Variants in DCLK1 observed in about 807,000 individuals in gnomAD.
DCLK1 encodes the protein serine/threonine-protein kinase DCLK1.
Under a neutral mutation model 86.2 loss-of-function variants are expected in DCLK1, and 16 were observed. That is an observed-to-expected ratio of 0.19 (90% CI 0.13 to 0.28). The LOEUF is 0.28. Among genes scored for constraint, DCLK1 ranks in the 10% least tolerant of loss-of-function variants. DCLK1 has a pLI of 1.00. For synonymous variants in DCLK1, 369 were observed against 370.5 expected (o/e 1.00, Z 0.05); for missense variants, 590 against 940.2 (o/e 0.63, Z 4.87).
At chr13:36,127,452 A>T (rs889272178) in intron 1 of DCLK1, among the ~76,000 whole-genome samples, 5 of 152,186 alleles carry the variant, frequency 3.3e-5, no homozygotes, top group African/African-American at 1.2e-4. Context: ...ACCCCATGCT[A>T]GCTGTGTAAG....
At chr13:36,121,375 C>G (rs1382845728) in intron 2 of DCLK1, among the ~76,000 whole-genome samples, 1 of 152,076 alleles carries the variant, frequency 6.6e-6, no homozygotes, top group Non-Finnish European at 1.5e-5. Flanking sequence ...TGAAAAAATC[C>G]AGAAAGAGAC....
chr13:36,040,870 C>T (rs1049987394), intron 3 of DCLK1, among the ~76,000 whole-genome samples: 3 of 152,220 alleles, frequency 2.0e-5, no homozygotes, highest in Admixed American at 1.3e-4. Context: ...TCCAGTTTGG[C>T]CATTGTGAGC....
chr13:35,917,124 C>G (rs750638889), intron 4 of DCLK1, among the ~76,000 whole-genome samples: 3 of 152,188 alleles, frequency 2.0e-5, no homozygotes, highest in Non-Finnish European at 2.9e-5. Flanking sequence ...CCATGACTGT[C>G]CACCCTTCAT....
intron 2 of DCLK1, among the ~76,000 whole-genome samples, chr13:36,123,869 CA>C (rs1419239157): frequency 6.6e-6 from 1 of 152,218 alleles, no homozygotes; most frequent in African/African-American, 2.4e-5. Flanking sequence ...AAGATGGTGA[CA>C]AGCATGCCAT....
At chr13:35,783,728 G>T (rs1444097989) in intron 16 of DCLK1, among the ~76,000 whole-genome samples, 1 of 151,968 alleles carries the variant, frequency 6.6e-6, no homozygotes, top group Non-Finnish European at 1.5e-5. Flanking sequence ...GGGATTACAG[G>T]TGCCCACCAC....
intron 16 of DCLK1, among the ~76,000 whole-genome samples, chr13:35,777,680 A>T (rs2153097279): frequency 6.6e-6 from 1 of 152,268 alleles, no homozygotes; most frequent in East Asian, 1.9e-4. Flanking sequence ...ATAAATTCCT[A>T]AGGAGACCTG....
intron 3 of DCLK1, among the ~76,000 whole-genome samples, chr13:36,100,780 G>C (rs9546347): frequency 0.025 from 3,870 of 152,148 alleles, 76 homozygotes; most frequent in Middle Eastern, 0.092. Flanking sequence ...AACCTCCCAG[G>C]CTGTGTTATA....
rs1885643530 is a variant in DCLK1 at position 36,112,211 on chromosome 13, C to T, written c.381G>A (p.Glu127=). Reference sequence around the variant, plus strand: ...GCTCTATGGAGCCACATACATAACTCTCTCCTAAGGAAGAGAGAAATATAT... The same window carrying T: ...GCTCTATGGAGCCACATACATAACTTTCTCCTAAGGAAGAGAGAAATATAT... ...ISSLDQLVEG[E]SYVCGSIEPF... Residue 127 remains glutamate (E), a synonymous_variant, in exon 3 of 17, where the codon GAG becomes GAA. Coordinates refer to ENST00000360631, the MANE Select transcript of DCLK1 (RefSeq NM_001330071.2). The T allele has an allele frequency of 6.4e-7, 1 of 1,573,612 alleles. No homozygotes were observed.
chr13:35,856,277 C>T (rs540275700), intron 5 of DCLK1, among the ~76,000 whole-genome samples: 143 of 152,242 alleles, frequency 9.4e-4, no homozygotes, highest in African/African-American at 3.4e-3. Context: ...CACGCTCGGA[C>T]CTCATCACAT....
intron 3 of DCLK1, among the ~76,000 whole-genome samples, chr13:35,959,442 ACACC>A (rs1346273822): frequency 2.0e-5 from 3 of 152,154 alleles, no homozygotes; most frequent in Admixed American, 6.5e-5. Context: ...CTGACCTGGA[ACACC>A]CCCCCACCTA....
intron 6 of DCLK1, chr13:35,845,815 A>T (rs1013605642): frequency 1.7e-6 from 1 of 597,320 alleles, no homozygotes; most frequent in Non-Finnish European, 2.1e-6. Flanking sequence ...CGTGATTGTG[A>T]AGGTCACCCT....
intron 2 of DCLK1, 150 bp downstream of exon 2, chr13:36,125,612 C>A: frequency 8.3e-7 from 1 of 1,208,972 alleles, no homozygotes; most frequent in Non-Finnish European, 1.1e-6. Flanking sequence ...TTACTCTACA[C>A]AATAGCACAT....
chr13:35,898,861 C>T (rs974257221), intron 4 of DCLK1, among the ~76,000 whole-genome samples: 20 of 152,134 alleles, frequency 1.3e-4, no homozygotes, highest in Non-Finnish European at 1.5e-4. Context: ...CCTACCTCAG[C>T]CTCCCAAGTA....
chr13:35,997,229 A>G (rs1347995901), intron 3 of DCLK1, among the ~76,000 whole-genome samples: 10 of 152,230 alleles, frequency 6.6e-5, no homozygotes, highest in African/African-American at 2.4e-4. Flanking sequence ...GAACATGAGC[A>G]TGTATTGTCT....
rs2086301364 is a variant in DCLK1, at chr13:35,770,005, C to T, written c.*4530G>A. The stretch of plus-strand genomic sequence containing the variant: ...AACAATAAACAAACAAACAAAAACC[C>T]CCACTCTAACCAGAGGCATTTAAGC... On this transcript the variant is annotated 3_prime_UTR_variant, in exon 17 of 17. Transcript: ENST00000360631. 3 of 152,146 alleles carry T rather than the reference C, an allele frequency of 2.0e-5. No homozygotes were observed. In the South Asian group the frequency reaches 6.2e-4, roughly 32 times the overall value. The allele number at this position is 152,146 out of a possible 1,614,324, so 9.4% of individuals were successfully genotyped here.
intron 5 of DCLK1, among the ~76,000 whole-genome samples, chr13:35,863,908 A>G (rs1871582833): frequency 6.6e-6 from 1 of 152,248 alleles, no homozygotes; most frequent in Non-Finnish European, 1.5e-5. Flanking sequence ...AATAGCATGA[A>G]TAAAAAGACT....
intron 3 of DCLK1, among the ~76,000 whole-genome samples, chr13:36,110,728 CA>C (rs1404856303): frequency 6.6e-6 from 1 of 151,872 alleles, no homozygotes; most frequent in Non-Finnish European, 1.5e-5. Flanking sequence ...ATTTTGATAG[CA>C]CCACATTAAA....
intron 1 of DCLK1, among the ~76,000 whole-genome samples, chr13:36,128,159 G>T (rs1172380685): frequency 1.3e-5 from 2 of 152,036 alleles, no homozygotes; most frequent in African/African-American, 4.8e-5. Flanking sequence ...CTAGAGATTT[G>T]GTACTCCAGA....
intron 6 of DCLK1, among the ~76,000 whole-genome samples, chr13:35,841,835 T>A (rs1233885193): frequency 6.6e-6 from 1 of 152,146 alleles, no homozygotes; most frequent in Non-Finnish European, 1.5e-5. Context: ...CTAAATACTT[T>A]TCCAAGATGG....
Sources: allele counts gnomAD v4.1 joint callset (sites outside exome capture counted in the v4.1 genomes callset), GRCh38; gene constraint gnomAD v4.1.1; transcripts MANE v1.5; gene names NCBI Gene and HGNC (gene_info 2026-07-23, HGNC 2026-07-21).